The following NRF1 variants were observed in gnomAD, a reference collection of about 807,000 sequenced individuals.
The protein encoded by NRF1 is nuclear respiratory factor 1.
NRF1 carries 5 observed loss-of-function variants against 58.5 expected under a neutral mutation model. That is an observed-to-expected ratio of 0.09 (90% CI 0.04 to 0.18). The LOEUF is 0.18. NRF1 is among the 10% of genes least tolerant of loss of function. The pLI, the probability that NRF1 is intolerant of heterozygous loss-of-function variation, is 1.00. For missense variants in NRF1, 288 were observed against 657.7 expected (o/e 0.44, Z 6.15); for synonymous variants, 224 against 246.7 (o/e 0.91, Z 0.86).
chr7:129,710,647 G>A, intron 7 of NRF1, 76 bp downstream of exon 7: 1 of 795,956 alleles, frequency 1.3e-6, no homozygotes, highest in Non-Finnish European at 2.3e-6. Flanking sequence ...ACTAGGGAAA[G>A]TTTCCTTTGT....
chr7:129,647,404 CTTT>C (rs1274782003), intron 1 of NRF1, among the ~76,000 whole-genome samples: 4 of 131,574 alleles, frequency 3.0e-5, no homozygotes, highest in Admixed American at 1.5e-4. Context: ...TCTTTTCTTG[CTTT>C]TTTTTTTTTT....
At chr7:129,671,314 T>C (rs1802042435) in intron 2 of NRF1, 115 bp from the exon 3 acceptor site, 1 of 612,020 alleles carries the variant, frequency 1.6e-6, no homozygotes, top group South Asian at 2.1e-5. Context: ...TCATTCTTTA[T>C]TTACCGACAA....
At position 129,619,484 on chromosome 7, in the gene NRF1, GTGTGTGTATATATA is replaced by G. The variant is rs1562950238; in HGVS notation, c.-7+7662_-7+7675del. Among the ~76,000 whole-genome samples the G allele has an allele frequency of 2.9e-5, 2 of 68,494 alleles. 1 individual carries two copies. The highest frequency in any genetic ancestry group is 5.1e-5 in the Non-Finnish European group (2 of 39,586). The allele number at this position is 68,494 out of a possible 152,430, so 44.9% of individuals were successfully genotyped here. The stretch of plus-strand genomic sequence containing the variant: ...CGTGTGTGTGTGTGTGTGTGTGTGT[GTGTGTGTATATATA>G]TATATATATATATATGTATTGTTTT... On this transcript the variant is annotated intron_variant, in intron 1 of 10. Coordinates refer to ENST00000393232, the MANE Select transcript of NRF1 (RefSeq NM_005011.5).
chr7:129,678,693 C>G (rs1304009783), intron 4 of NRF1, among the ~76,000 whole-genome samples: 1 of 152,114 alleles, frequency 6.6e-6, no homozygotes, highest in African/African-American at 2.4e-5. Flanking sequence ...CCTTTACTGT[C>G]ACACTGTTGA....
chr7:129,682,749 C>T (rs1166373612), intron 4 of NRF1, among the ~76,000 whole-genome samples: 1 of 151,280 alleles, frequency 6.6e-6, no homozygotes, highest in East Asian at 1.9e-4. Context: ...ATGCAGTGAA[C>T]TATGATTATT....
chr7:129,625,653 A>C (rs112955431), intron 1 of NRF1, among the ~76,000 whole-genome samples: 2,457 of 146,954 alleles, frequency 0.017, 63 homozygotes, highest in African/African-American at 0.059. Context: ...GGCATGTGCC[A>C]CCATGCCCGG....
At chr7:129,696,204 A>G (rs1267338250) in intron 5 of NRF1, among the ~76,000 whole-genome samples, 1 of 152,122 alleles carries the variant, frequency 6.6e-6, no homozygotes, top group Non-Finnish European at 1.5e-5. Context: ...AGATCATGCC[A>G]TCGCACTCCA....
chr7:129,655,732 G>C (rs897685908), intron 1 of NRF1, among the ~76,000 whole-genome samples: 2 of 152,128 alleles, frequency 1.3e-5, no homozygotes, highest in Admixed American at 1.3e-4. Flanking sequence ...ATGTTGGCCA[G>C]GCTGGTCCCG....
intron 1 of NRF1, among the ~76,000 whole-genome samples, chr7:129,626,959 G>A (rs1409451226): frequency 6.6e-6 from 1 of 152,214 alleles, no homozygotes; most frequent in Non-Finnish European, 1.5e-5. Flanking sequence ...AGAGACATAG[G>A]TGAAGTGGTA....
chr7:129,718,990 A>G (rs1803254073), intron 9 of NRF1, among the ~76,000 whole-genome samples: 1 of 152,192 alleles, frequency 6.6e-6, no homozygotes, highest in Admixed American at 6.5e-5. Flanking sequence ...TATAGTTATT[A>G]TCATTTAAGT....
At chr7:129,660,173 G>GC (rs1444170596) in intron 2 of NRF1, among the ~76,000 whole-genome samples, 1 of 152,094 alleles carries the variant, frequency 6.6e-6, no homozygotes, top group East Asian at 1.9e-4. Context: ...GGAAAGATCT[G>GC]CCCCCATGAT....
chr7:129,629,498 C>T (rs1801000479), intron 1 of NRF1, among the ~76,000 whole-genome samples: 1 of 152,126 alleles, frequency 6.6e-6, no homozygotes, highest in African/African-American at 2.4e-5. Flanking sequence ...TGTTCTCAAA[C>T]TCCTGACCTC....
At chr7:129,690,849 C>CAA (rs1246138238) in intron 5 of NRF1, among the ~76,000 whole-genome samples, 5 of 151,778 alleles carry the variant, frequency 3.3e-5, no homozygotes, top group Admixed American at 3.3e-4. Flanking sequence ...TTGGTCTGAA[C>CAA]AAAAGAACAT....
intron 1 of NRF1, among the ~76,000 whole-genome samples, chr7:129,616,110 A>G (rs1049673972): frequency 6.6e-6 from 1 of 152,324 alleles, no homozygotes; most frequent in Middle Eastern, 3.4e-3. Context: ...GAATTGGGCT[A>G]ATGTATTTTC....
chr7:129,694,369 T>C (rs900942828), intron 5 of NRF1, among the ~76,000 whole-genome samples: 1 of 152,166 alleles, frequency 6.6e-6, no homozygotes, highest in Admixed American at 6.5e-5. Flanking sequence ...TGTCTCTGTC[T>C]CTCTTTTTTT....
chr7:129,645,328 AT>A (rs1801381112), intron 1 of NRF1, among the ~76,000 whole-genome samples: 1 of 152,224 alleles, frequency 6.6e-6, no homozygotes, highest in Non-Finnish European at 1.5e-5. Context: ...GGAATACAGT[AT>A]TCTGGTTCCA....
chr7:129,624,730 C>G (rs1273974360), intron 1 of NRF1, among the ~76,000 whole-genome samples: 1 of 152,112 alleles, frequency 6.6e-6, no homozygotes, highest in Non-Finnish European at 1.5e-5. Context: ...GCCCAGGCTG[C>G]TCTCAGACTC....
chr7:129,670,326 C>G (rs1020157011), intron 2 of NRF1, among the ~76,000 whole-genome samples: 4 of 152,158 alleles, frequency 2.6e-5, no homozygotes, highest in Admixed American at 6.5e-5. Context: ...GTTAAGTGTT[C>G]TTACCACAAT....
chr7:129,689,497 T>A (rs1802514573), intron 4 of NRF1, among the ~76,000 whole-genome samples: 1 of 152,222 alleles, frequency 6.6e-6, no homozygotes, highest in African/African-American at 2.4e-5. Flanking sequence ...GGTATCCTCA[T>A]ACCCCTTGTG....
Sources: gnomAD v4.1 joint callset for allele counts (sites outside exome capture counted in the v4.1 genomes callset) on GRCh38, gnomAD v4.1.1 for gene constraint, MANE v1.5 for transcripts, NCBI Gene and HGNC (gene_info 2026-07-23, HGNC 2026-07-21) for gene names.